The following TRPM3 variants were observed in gnomAD, a reference collection of about 807,000 sequenced individuals.
TRPM3 encodes transient receptor potential cation channel subfamily M member 3.
A neutral mutation model predicts 181.2 loss-of-function variants in TRPM3; 77 were observed. The observed-to-expected ratio is 0.42, with a 90% confidence interval of 0.35 to 0.51. The LOEUF is 0.51. TRPM3 is among the 20% of genes least tolerant of loss of function. The probability of loss-of-function intolerance (pLI) is 0.01; values close to 1 mark genes in which losing one functional copy is unlikely to be tolerated. For missense variants in TRPM3, 1,759 were observed against 2,196.7 expected (o/e 0.80, Z 3.98); for synonymous variants, 745 against 796.4 (o/e 0.94, Z 1.09).
intron 1 of TRPM3, among the ~76,000 whole-genome samples, chr9:70,999,976 C>T (rs1590456197): frequency 6.6e-6 from 1 of 152,100 alleles, no homozygotes; most frequent in Non-Finnish European, 1.5e-5. Flanking sequence ...AAGAACTGTG[C>T]CAAGTCTTTA....
In TRPM3 at chr9:70,827,882, A is replaced by T. The variant is rs780641262; in HGVS notation, c.938T>A (p.Leu313Gln). Residue 313 changes from leucine (L) to glutamine (Q), a missense_variant, in exon 6 of 26, where the codon CTG becomes CAG. Coordinates refer to ENST00000677713, the MANE Select transcript of TRPM3 (RefSeq NM_001366145.2). ...YGAEVKLRRQ[L>Q]EKHISLQKIN... The stretch of plus-strand genomic sequence containing the variant: ...CTTCTGGAGTGAAATATGCTTTTCC[A>T]GTTGTCTTCGAAGTTTCACCTCTGC... 254 of 1,614,066 alleles carry T rather than the reference A, an allele frequency of 1.6e-4. No individual in the cohort carries two copies. Among genetic ancestry groups the T allele is most frequent in the South Asian group, 1.1e-3 (104 of 91,070 alleles).
intron 6 of TRPM3, among the ~76,000 whole-genome samples, chr9:70,822,625 T>C (rs541759020): frequency 6.6e-6 from 1 of 152,238 alleles, no homozygotes; most frequent in East Asian, 1.9e-4. Context: ...TGGAGATGAA[T>C]GGTGGTGATC....
upstream of TRPM3, chr9:71,446,836 G>A: frequency 1.3e-6 from 2 of 1,538,920 alleles, no homozygotes; most frequent in Non-Finnish European, 1.8e-6. Context: ...TCTTCCCCAT[G>A]AGAAGTTCGC....
intron 1 of TRPM3, among the ~76,000 whole-genome samples, chr9:70,985,879 C>T (rs1044972764): frequency 2.0e-5 from 3 of 152,034 alleles, no homozygotes; most frequent in Non-Finnish European, 4.4e-5. Context: ...CCTGGTATAC[C>T]AAGGACAGGA....
Position 70,553,291 on chromosome 9 carries a change from C to G in TRPM3, c.3243G>C (p.Glu1081Asp). 6.2e-7 allele frequency: 1 copy of G among 1,614,092 alleles called. No individual in the cohort carries two copies. The highest frequency in any genetic ancestry group is 8.5e-7 in the Non-Finnish European group (1 of 1,180,018). Residue 1081 changes from glutamate (E) to aspartate (D), a missense_variant, in exon 23 of 26, where the codon GAG becomes GAC. By Grantham distance (45) the Glu-to-Asp change is conservative (BLOSUM62 2). This residue lies in a region of TRPM3 where 94 missense variants were observed against 221.3 expected (regional missense o/e 0.42). Coordinates refer to ENST00000677713, the MANE Select transcript of TRPM3 (RefSeq NM_001366145.2). ...GGATTATTTTACCATCCTCTCGGGT[C>G]TCATTCTGTCCACAGGGAGCTGGAG... ...DQIDPPCGQN[E>D]TREDGKIIQL...
In TRPM3 at chr9:71,215,208, A is replaced by G. The variant is rs144881872; in HGVS notation, c.183+231445T>C. Among the ~76,000 whole-genome samples the G allele has an allele frequency of 3.3e-5, 5 of 152,336 alleles. No individual in the cohort carries two copies. In the East Asian group the frequency reaches 9.6e-4, roughly 29 times the overall value. On this transcript the variant is annotated intron_variant, in intron 1 of 24. Coordinates refer to the TRPM3 transcript ENST00000357533. ...TACTGCCATTTGCACTAGAAATCAAATTTTTAAAAATTTACTTCTTAATGT... is the reference window on the plus strand; with the variant it reads ...TACTGCCATTTGCACTAGAAATCAAGTTTTTAAAAATTTACTTCTTAATGT...
At chr9:70,690,546 TTATTTA>T (rs1372870149) in intron 8 of TRPM3, among the ~76,000 whole-genome samples, 1 of 62,166 alleles carries the variant, frequency 1.6e-5, no homozygotes, top group South Asian at 5.4e-4. Context: ...TTTTATTTAT[TTATTTA>T]TATTTATTTA....
chr9:71,294,290 AAAC>A, intron 1 of TRPM3, among the ~76,000 whole-genome samples: 1 of 152,050 alleles, frequency 6.6e-6, no homozygotes, highest in East Asian at 1.9e-4. Flanking sequence ...CATAAGACAA[AAAC>A]AAAAAATCTA....
chr9:71,434,630 G>A lies in TRPM3; in HGVS notation c.183+12023C>T, dbSNP rs190105308. Among the ~76,000 whole-genome samples, 238 of 152,290 alleles carry A rather than the reference G, an allele frequency of 1.6e-3. 1 individual carries two copies. Among genetic ancestry groups the A allele is most frequent in the Non-Finnish European group, 2.9e-3 (200 of 68,028 alleles). ...CAAGGCCCAATGTGGTATGACTTCAGTTGTACTTGCAGTAATTTGGTTTTT... is the reference window on the plus strand; with the variant it reads ...CAAGGCCCAATGTGGTATGACTTCAATTGTACTTGCAGTAATTTGGTTTTT... On this transcript the variant is annotated intron_variant, in intron 1 of 24. Coordinates refer to the TRPM3 transcript ENST00000357533.
At chr9:70,653,791 G>T (rs1164241842) in intron 9 of TRPM3, among the ~76,000 whole-genome samples, 1 of 151,874 alleles carries the variant, frequency 6.6e-6, no homozygotes, top group Non-Finnish European at 1.5e-5. Context: ...TCTGGAGAAG[G>T]CTTCTAACGA....
At chr9:70,907,832 C>T (rs2096488383) in intron 1 of TRPM3, among the ~76,000 whole-genome samples, 1 of 152,134 alleles carries the variant, frequency 6.6e-6, no homozygotes, top group Non-Finnish European at 1.5e-5. Context: ...TGCATTAATT[C>T]ACTTAGGATA....
At chr9:70,628,885 C>T (rs2065178695) in intron 12 of TRPM3, among the ~76,000 whole-genome samples, 2 of 146,890 alleles carry the variant, frequency 1.4e-5, no homozygotes, top group South Asian at 4.4e-4. Flanking sequence ...ATGTATTTTG[C>T]TTTGAGAAAC....
rs566716734 is a variant in TRPM3, at chr9:70,971,285, A to G, written c.178-106774T>C. Among the ~76,000 whole-genome samples the G allele has an allele frequency of 3.7e-4, 57 of 152,252 alleles. No individual in the cohort carries two copies. The South Asian group carries it at 0.011, about 30-fold the overall frequency. On this transcript the variant is annotated intron_variant, in intron 1 of 25. Transcript: ENST00000677713. ...CTGCCCTCACACTGAGCTAACCTAT[A>G]AGACACTTTCTGCTCCCTCAGCCAC...
chr9:70,535,650 T>C lies in TRPM3; in HGVS notation c.*303A>G. 6.9e-7 allele frequency: 1 copy of C among 1,445,864 alleles called. No homozygotes were observed. Among genetic ancestry groups the C allele is most frequent in the Non-Finnish European group, 9.0e-7 (1 of 1,107,612 alleles). The allele number at this position is 1,445,864 out of a possible 1,614,324, so 89.6% of individuals were successfully genotyped here. A position where few individuals can be genotyped will look rare whatever the true frequency, so the allele number is the denominator to read the frequency against. On this transcript the variant is annotated 3_prime_UTR_variant, in exon 26 of 26. Coordinates refer to ENST00000677713, the MANE Select transcript of TRPM3 (RefSeq NM_001366145.2). Reference sequence around the variant, plus strand: ...AAGCCCCTTGTTTCCCCTGCTCTCATGGCTTTCTGCTGTGACTGCGGATAC... The same window carrying C: ...AAGCCCCTTGTTTCCCCTGCTCTCACGGCTTTCTGCTGTGACTGCGGATAC...
At chr9:70,665,893 G>A (rs1461347630) in intron 9 of TRPM3, among the ~76,000 whole-genome samples, 3 of 151,878 alleles carry the variant, frequency 2.0e-5, no homozygotes, top group Non-Finnish European at 4.4e-5. Flanking sequence ...CTGTCTCTTT[G>A]AGTTCTGGGA....
intron 1 of TRPM3, among the ~76,000 whole-genome samples, chr9:70,927,859 A>T (rs751118107): frequency 3.2e-4 from 48 of 152,176 alleles, no homozygotes; most frequent in Non-Finnish European, 4.9e-4. Flanking sequence ...CTGTCTATTC[A>T]CAGCTCCAAT....
chr9:70,831,028 A>G (rs1438128939), intron 5 of TRPM3, among the ~76,000 whole-genome samples: 1 of 152,230 alleles, frequency 6.6e-6, no homozygotes, highest in African/African-American at 2.4e-5. Context: ...CTGTTGGCAA[A>G]ATATGCAAAG....
intron 1 of TRPM3, among the ~76,000 whole-genome samples, chr9:71,189,424 G>T (rs1164567812): frequency 2.6e-5 from 4 of 151,804 alleles, no homozygotes; most frequent in Non-Finnish European, 5.9e-5. Flanking sequence ...ACTAACACAC[G>T]TGCATATACA....
intron 1 of TRPM3, among the ~76,000 whole-genome samples, chr9:71,314,606 C>A (rs971341872): frequency 2.0e-5 from 3 of 152,044 alleles, no homozygotes; most frequent in Non-Finnish European, 4.4e-5. Context: ...ACTATGGCCC[C>A]CACCTCATTC....
Sources: allele counts gnomAD v4.1 joint callset (sites outside exome capture counted in the v4.1 genomes callset), GRCh38; gene constraint gnomAD v4.1.1; regional missense constraint gnomAD v4.1.1; transcripts MANE v1.5; gene names NCBI Gene and HGNC (gene_info 2026-07-23, HGNC 2026-07-21).